Variants in GAB4 observed in about 807,000 individuals in gnomAD.
GAB4 encodes GRB2 associated binding protein family member 4, also known as GRB2-associated-binding protein 4.
Under a neutral mutation model 51.3 loss-of-function variants are expected in GAB4, and 26 were observed. The observed-to-expected ratio is 0.51, with a 90% CI of 0.37 to 0.70. GAB4 has a LOEUF of 0.70. Among genes scored for constraint, GAB4 ranks in the 30% least tolerant of loss-of-function variants. The pLI is 0.00. For synonymous variants in GAB4, 329 were observed against 291.2 expected, an observed-to-expected ratio of 1.13 and a Z score of -1.32; for missense variants, 759 against 734.6, an observed-to-expected ratio of 1.03 and a Z score of -0.38.
intron 3 of GAB4, 143 bp downstream of exon 3, chr22:16,987,817 A>C: frequency 1.6e-6 from 1 of 628,716 alleles, no homozygotes; most frequent in East Asian, 3.0e-5. Context: ...TAAACAAAAA[A>C]TTAAATGTTG....
chr22:16,964,884 G>GGA (rs750183283), intron 7 of GAB4, 22 bp from the exon 8 acceptor site: 1 of 1,591,784 alleles, frequency 6.3e-7, no homozygotes, highest in Non-Finnish European at 8.6e-7. Context: ...AGAAGGCAAG[G>GGA]AGTACATCCT....
At chr22:16,987,917 C>A in intron 3 of GAB4, 43 bp downstream of exon 3, 1 of 1,465,426 alleles carries the variant, frequency 6.8e-7, no homozygotes, top group Non-Finnish European at 9.4e-7. Flanking sequence ...AGAACAAGAC[C>A]TTGTGGGGGT....
At chr22:16,984,364 C>T (rs2060850556) in intron 3 of GAB4, among the ~76,000 whole-genome samples, 1 of 152,136 alleles carries the variant, frequency 6.6e-6, no homozygotes, top group Admixed American at 6.6e-5. Context: ...TGTAAATTAG[C>T]ACAGCCACTA....
intron 3 of GAB4, among the ~76,000 whole-genome samples, chr22:16,981,833 A>C (rs1428796792): frequency 6.6e-6 from 1 of 152,210 alleles, no homozygotes; most frequent in Non-Finnish European, 1.5e-5. Context: ...CCTGATGTTT[A>C]TAACAATATA....
At chr22:16,969,597 G>A (rs1252302998) in intron 4 of GAB4, 2 of 538,252 alleles carry the variant, frequency 3.7e-6, no homozygotes, top group South Asian at 3.4e-5. Context: ...GGGTCTCAGT[G>A]AGGGCTCATA....
chr22:16,963,336 A>G (rs1473294990), intron 9 of GAB4, among the ~76,000 whole-genome samples: 1 of 152,198 alleles, frequency 6.6e-6, no homozygotes, highest in East Asian at 1.9e-4. Flanking sequence ...TCCTGGACCC[A>G]GGAGTTCCTT....
intron 1 of GAB4, among the ~76,000 whole-genome samples, chr22:17,000,323 T>G (rs2060987414): frequency 6.6e-6 from 1 of 152,222 alleles, no homozygotes; most frequent in South Asian, 2.1e-4. Flanking sequence ...ATCTGGGTGC[T>G]CCTGTATTGG....
At chr22:17,003,859 C>A (rs1159643739) in intron 1 of GAB4, among the ~76,000 whole-genome samples, 4 of 152,204 alleles carry the variant, frequency 2.6e-5, no homozygotes, top group Admixed American at 2.0e-4. Context: ...CACAAAAAAA[C>A]CCTTCAAAAA....
chr22:16,974,310 G>T (rs1483128311), intron 3 of GAB4, among the ~76,000 whole-genome samples: 1 of 152,246 alleles, frequency 6.6e-6, no homozygotes, highest in Non-Finnish European at 1.5e-5. Flanking sequence ...TGTGTCAGGT[G>T]CATGACATGT....
In GAB4 at chr22:16,965,258, T is replaced by C; in HGVS notation, c.1299A>G (p.Thr433=). ...SLKPNQKANP[T]PPNLRNNRVI... The stretch of plus-strand genomic sequence containing the variant: ...CCCTGTTGTTTCTCAGGTTGGGCGG[T>C]GTTGGGTTGGCTGGAGCAGGAAAAG... Residue 433 remains threonine, a synonymous_variant, in exon 7 of 10, where the codon ACA becomes ACG. Coordinates refer to ENST00000400588, the MANE Select transcript of GAB4 (RefSeq NM_001037814.1). 9 of 1,613,690 alleles carry C rather than the reference T, an allele frequency of 5.6e-6. No individual in the cohort carries two copies. The highest frequency in any genetic ancestry group is 7.6e-6 in the Non-Finnish European group (9 of 1,179,808).
chr22:16,964,957 C>G, intron 7 of GAB4, 95 bp from the exon 8 acceptor site: 2 of 922,430 alleles, frequency 2.2e-6, no homozygotes, highest in Non-Finnish European at 1.7e-6. Context: ...TTCAAGCATC[C>G]AGGCCTCACA....
chr22:16,968,532 TC>T lies in GAB4; in HGVS notation c.938-150del. The stretch of plus-strand genomic sequence containing the variant: ...ATGACAAAGCGTTACCTCTAACACA[TC>T]CCTGCTCCCTACCACAACTCCTCCT... On this transcript the variant is annotated intron_variant, in intron 4 of 9. Transcript: ENST00000400588. 3.1e-6 allele frequency: 2 copies of T among 644,558 alleles called. 1 individual carries two copies. Among genetic ancestry groups the T allele is most frequent in the South Asian group, 3.5e-5 (2 of 57,220 alleles). 39.9% of individuals were successfully genotyped at this position (644,558 alleles called of 1,614,324 possible).
At chr22:16,967,072 A>G (rs1269001204) in intron 5 of GAB4, 1 of 152,252 alleles carries the variant, frequency 6.6e-6, no homozygotes, top group Non-Finnish European at 1.5e-5. Context: ...ATGTCTGGGC[A>G]CTTCTAGCTC....
In GAB4 at chr22:17,007,968, C is replaced by A. The variant is rs1283277102; in HGVS notation, c.147G>T (p.Ser49=). 2 of 1,604,758 alleles carry A rather than the reference C, an allele frequency of 1.2e-6. No individual in the cohort carries two copies. Among genetic ancestry groups the A allele is most frequent in the Non-Finnish European group, 1.7e-6 (2 of 1,173,816 alleles). The change falls in exon 1 of 10, where the codon TCG becomes TCT. Residue 49 remains serine (S), a synonymous_variant. Transcript: ENST00000400588. ...AGAGCCTCAGCTTCTTCTCGGGGGGCGACTTCCTCAGCCAGCCGCTGTACA... is the reference window on the plus strand; with the variant it reads ...AGAGCCTCAGCTTCTTCTCGGGGGGAGACTTCCTCAGCCAGCCGCTGTACA... ...HVLYSGWLRK[S]PPEKKLRLFA... is the part of the protein sequence containing the mutation.
chr22:16,973,113 T>A (rs2060746535), intron 3 of GAB4, among the ~76,000 whole-genome samples: 1 of 152,162 alleles, frequency 6.6e-6, no homozygotes, highest in Non-Finnish European at 1.5e-5. Flanking sequence ...GGCACATTTT[T>A]AAAAGCCTGT....
rs2123629901 is a variant in GAB4, at chr22:16,962,640, A to C, written c.*93T>G. 8.3e-7 allele frequency: 1 copy of C among 1,199,938 alleles called. No homozygotes were observed. Among genetic ancestry groups the C allele is most frequent in the Non-Finnish European group, 1.2e-6 (1 of 863,336 alleles). The allele number at this position is 1,199,938 out of a possible 1,614,324, so 74.3% of individuals were successfully genotyped here. ...TGATCAGGCCTCTGCTCTCTATGTA[A>C]GGGATGCGGTCCCTGATATTACAGA... On this transcript the variant is annotated 3_prime_UTR_variant, in exon 10 of 10. Coordinates refer to ENST00000400588, the MANE Select transcript of GAB4 (RefSeq NM_001037814.1).
At chr22:16,964,045 G>A (rs2060651292) in intron 8 of GAB4, among the ~76,000 whole-genome samples, 1 of 152,154 alleles carries the variant, frequency 6.6e-6, no homozygotes. Flanking sequence ...CACCCAGTCA[G>A]TCATCTGAAA....
chr22:16,999,300 T>C (rs980691540), intron 1 of GAB4, among the ~76,000 whole-genome samples: 7 of 152,260 alleles, frequency 4.6e-5, no homozygotes, highest in Non-Finnish European at 8.8e-5. Flanking sequence ...GGCTATTAAC[T>C]ATAGCCTCAA....
At chr22:16,986,183 A>G (rs11703753) in intron 3 of GAB4, among the ~76,000 whole-genome samples, 3,366 of 152,314 alleles carry the variant, frequency 0.022, 59 homozygotes, top group Middle Eastern at 0.068. Flanking sequence ...TTCTACATAA[A>G]GTGTGTCCTG....
Sources: gnomAD v4.1 joint callset for allele counts (sites outside exome capture counted in the v4.1 genomes callset) on GRCh38, gnomAD v4.1.1 for gene constraint, MANE v1.5 for transcripts, NCBI Gene and HGNC (gene_info 2026-07-23, HGNC 2026-07-21) for gene names.